CDCA8: variants seen among roughly 807,000 people sequenced by gnomAD.
The protein encoded by CDCA8 is cell division cycle associated 8.
A neutral mutation model predicts 40.0 loss-of-function variants in CDCA8; 25 were observed. The ratio of observed to expected loss-of-function variants is 0.63; its 90% CI spans 0.46 to 0.87. CDCA8 has a LOEUF of 0.87. Among genes scored for constraint, CDCA8 ranks in the 40% least tolerant of loss-of-function variants. The pLI, the probability that CDCA8 is intolerant of heterozygous loss-of-function variation, is 0.00. For missense variants in CDCA8, 280 were observed against 348.4 expected, an observed-to-expected ratio of 0.80 and a Z score of 1.56; for synonymous variants, 111 against 126.5, an observed-to-expected ratio of 0.88 and a Z score of 0.82.
chr1:37,697,173 A>C (rs555610304), intron 3 of CDCA8, among the ~76,000 whole-genome samples: 3 of 152,346 alleles, frequency 2.0e-5, no homozygotes, highest in African/African-American at 7.2e-5. Context: ...AAAAGCTCTT[A>C]GTTGGGAAGT....
chr1:37,702,131 C>T lies in CDCA8; in HGVS notation c.488+313C>T, dbSNP rs541020131. ...TCTTGGCTCACTGCAACTTCTGCCT[C>T]GCGGGTTCAAATGATTCTCCTGCCT... is the stretch of plus-strand genomic sequence containing the variant. On this transcript the variant is annotated intron_variant, in intron 6 of 9. Transcript: ENST00000373055. Among the ~76,000 whole-genome samples, 47 of 149,138 alleles carry T rather than the reference C, an allele frequency of 3.2e-4. No homozygotes were observed. In the East Asian group the frequency reaches 6.1e-3, roughly 19 times the overall value.
intron 7 of CDCA8, among the ~76,000 whole-genome samples, chr1:37,704,121 G>A (rs57669144): frequency 0.24 from 36,536 of 151,536 alleles, 5,206 homozygotes; most frequent in East Asian, 0.69. Context: ...TTTTTGTAGC[G>A]ATGGGATTTC....
At chr1:37,699,565 C>G (rs1270951952) in intron 4 of CDCA8, among the ~76,000 whole-genome samples, 1 of 139,776 alleles carries the variant, frequency 7.2e-6, no homozygotes, top group Non-Finnish European at 1.5e-5. Flanking sequence ...GACCTTGTCT[C>G]TGAAAAAAAA....
At chr1:37,694,827 A>G (rs976057259) in intron 2 of CDCA8, among the ~76,000 whole-genome samples, 1 of 152,276 alleles carries the variant, frequency 6.6e-6, no homozygotes, top group Non-Finnish European at 1.5e-5. Context: ...GAGAGTTTCT[A>G]GCAGGAGGTT....
chr1:37,708,441 A>ATTGT lies in CDCA8; in HGVS notation c.*79_*82dup, dbSNP rs1432835700. The ATTGT allele has an allele frequency of 1.1e-5, 15 of 1,393,068 alleles. No homozygotes were observed. The highest frequency in any genetic ancestry group is 1.4e-5 in the Non-Finnish European group (14 of 980,178). The allele number at this position is 1,393,068 out of a possible 1,614,324, so 86.3% of individuals were successfully genotyped here. ...GAAGAGACTTCTTCCCTTCAGGCTT[A>ATTGT]TTGTTTGAGTGTGAAGTTCCAGAGC... On this transcript the variant is annotated 3_prime_UTR_variant, in exon 10 of 10. Coordinates refer to ENST00000373055, the MANE Select transcript of CDCA8 (RefSeq NM_001256875.2).
chr1:37,704,981 C>T (rs1458310242), intron 7 of CDCA8, among the ~76,000 whole-genome samples: 1 of 152,176 alleles, frequency 6.6e-6, no homozygotes, highest in East Asian at 1.9e-4. Flanking sequence ...TGTTTTCTCA[C>T]ATGAATATGT....
intron 3 of CDCA8, among the ~76,000 whole-genome samples, chr1:37,698,604 C>T (rs1009819887): frequency 4.6e-5 from 7 of 152,264 alleles, no homozygotes; most frequent in Middle Eastern, 3.4e-3. Context: ...TTCGATAAAG[C>T]AAGTGCAATG....
In CDCA8 at chr1:37,703,323, G is replaced by T; in HGVS notation, c.560G>T (p.Gly187Val). The T allele has an allele frequency of 1.2e-6, 2 of 1,613,816 alleles. No homozygotes were observed. The highest frequency in any genetic ancestry group is 2.2e-5 in the South Asian group (2 of 91,080). Reference protein sequence around the residue: ...LEVSMVKPTPGLTPRFDSRVF... With the variant: ...LEVSMVKPTPVLTPRFDSRVF... ...GTGTCCATGGTCAAACCAACTCCAG[G>T]CCTGACACCCAGGTTTGACTCAAGG... The change falls in exon 7 of 10, where the codon GGC becomes GTC. Residue 187 changes from glycine (G) to valine (V), a missense_variant. Coordinates refer to ENST00000373055, the MANE Select transcript of CDCA8 (RefSeq NM_001256875.2).
intron 3 of CDCA8, among the ~76,000 whole-genome samples, chr1:37,697,192 G>A (rs1314645745): frequency 6.6e-6 from 1 of 152,140 alleles, no homozygotes; most frequent in Admixed American, 6.5e-5. Context: ...GTGTGTTGGG[G>A]CTCCCAAGAC....
chr1:37,700,999 G>T (rs1394664833), intron 5 of CDCA8, among the ~76,000 whole-genome samples: 1 of 152,210 alleles, frequency 6.6e-6, no homozygotes, highest in Admixed American at 6.5e-5. Flanking sequence ...ATCCAGTGAG[G>T]TGTGGGACCC....
At chr1:37,702,844 C>T (rs1645573811) in intron 6 of CDCA8, among the ~76,000 whole-genome samples, 1 of 150,944 alleles carries the variant, frequency 6.6e-6, no homozygotes, top group South Asian at 2.1e-4. Flanking sequence ...TCCAGCTACT[C>T]GGGAGGCTGA....
At chr1:37,701,588 T>C (rs778173483) in intron 5 of CDCA8, among the ~76,000 whole-genome samples, 166 bp from the exon 6 acceptor site, 4 of 152,098 alleles carry the variant, frequency 2.6e-5, no homozygotes, top group Non-Finnish European at 5.9e-5. Flanking sequence ...CAATTAGTTA[T>C]GTTCTGAACT....
chr1:37,695,829 G>C, intron 2 of CDCA8, 81 bp from the exon 3 acceptor site: 1 of 1,326,678 alleles, frequency 7.5e-7, no homozygotes, highest in Non-Finnish European at 1.1e-6. Context: ...GGCTGGACCA[G>C]TTTTAGAAAG....
intron 8 of CDCA8, 55 bp downstream of exon 8, chr1:37,705,622 C>G (rs1489471442): frequency 6.3e-7 from 1 of 1,595,774 alleles, no homozygotes; most frequent in African/African-American, 1.3e-5. Flanking sequence ...TCAAGCATTT[C>G]TTTTCCCTGG....
chr1:37,693,395 T>C (rs866264041), intron 2 of CDCA8, among the ~76,000 whole-genome samples: 43 of 146,182 alleles, frequency 2.9e-4, no homozygotes, highest in African/African-American at 9.4e-4. Flanking sequence ...AGGAAATTTA[T>C]TTAATTTTTT....
At position 37,708,397 on chromosome 1, in the gene CDCA8, TG is replaced by T; in HGVS notation, c.*34del. On this transcript the variant is annotated 3_prime_UTR_variant, in exon 10 of 10. Coordinates refer to ENST00000373055, the MANE Select transcript of CDCA8 (RefSeq NM_001256875.2). ...CAAAGTTGACAGGATGGACTTTTAA[TG>T]GGCACTTCTGGGACCCTGAAGAGAC... The T allele has an allele frequency of 6.3e-7, 1 of 1,594,098 alleles. No homozygotes were observed. Among genetic ancestry groups the T allele is most frequent in the Non-Finnish European group, 8.6e-7 (1 of 1,161,824 alleles).
At chr1:37,694,008 C>T (rs1177007719) in intron 2 of CDCA8, among the ~76,000 whole-genome samples, 6 of 152,126 alleles carry the variant, frequency 3.9e-5, no homozygotes, top group Admixed American at 2.6e-4. Context: ...GGCGTGGTGG[C>T]GCATACCTCT....
intron 2 of CDCA8, among the ~76,000 whole-genome samples, chr1:37,694,719 T>G (rs1645514864): frequency 6.6e-6 from 1 of 152,274 alleles, no homozygotes; most frequent in African/African-American, 2.4e-5. Context: ...TTGGACACTT[T>G]GCTCAAGGCC....
At chr1:37,703,541 C>G (rs550439002) in intron 7 of CDCA8, among the ~76,000 whole-genome samples, 194 bp downstream of exon 7, 8 of 152,270 alleles carry the variant, frequency 5.3e-5, no homozygotes, top group African/African-American at 1.9e-4. Flanking sequence ...GATGATGAAA[C>G]GCTGCGTCTA....
Sources: gnomAD v4.1 joint callset for allele counts (sites outside exome capture counted in the v4.1 genomes callset) on GRCh38, gnomAD v4.1.1 for gene constraint, MANE v1.5 for transcripts, NCBI Gene and HGNC (gene_info 2026-07-23, HGNC 2026-07-21) for gene names.